The following CTNNA2 variants were observed in gnomAD, a reference collection of about 807,000 sequenced individuals.
CTNNA2 encodes catenin alpha 2, also known as catenin alpha-2.
Under a neutral mutation model 101.0 loss-of-function variants are expected in CTNNA2, and 42 were observed. The ratio of observed to expected loss-of-function variants is 0.42; its 90% confidence interval spans 0.32 to 0.54. The LOEUF (loss-of-function observed/expected upper bound fraction) is 0.54. Among genes scored for constraint, CTNNA2 ranks in the 20% least tolerant of loss-of-function variants. The pLI is 0.14. For synonymous variants in CTNNA2, 450 were observed against 456.4 expected (o/e 0.99, Z 0.18); for missense variants, 871 against 1,223.1 (o/e 0.71, Z 4.29).
At chr2:80,382,371 A>G (rs1393960160) in intron 7 of CTNNA2, among the ~76,000 whole-genome samples, 4 of 151,798 alleles carry the variant, frequency 2.6e-5, no homozygotes, top group Non-Finnish European at 5.9e-5. Context: ...AAAAAAAAAA[A>G]AATGCTCATG....
At chr2:79,577,948 A>G (rs1019154127) in intron 1 of CTNNA2, among the ~76,000 whole-genome samples, 10 of 152,198 alleles carry the variant, frequency 6.6e-5, no homozygotes, top group African/African-American at 1.9e-4. Context: ...TGATAACTGA[A>G]AAGTATTCAA....
chr2:79,651,499 T>C (rs1221068292), intron 1 of CTNNA2, 53 bp from the exon 2 acceptor site: 1 of 1,530,026 alleles, frequency 6.5e-7, no homozygotes, highest in Non-Finnish European at 9.0e-7. Context: ...TCACCAAAGT[T>C]ACAATTTATT....
chr2:80,160,107 G>T (rs1704221358), intron 7 of CTNNA2, among the ~76,000 whole-genome samples: 1 of 152,062 alleles, frequency 6.6e-6, no homozygotes. Flanking sequence ...GGTTGATTTT[G>T]TACTTTTGTC....
chr2:80,372,366 AG>A (rs1180308396), intron 7 of CTNNA2, among the ~76,000 whole-genome samples: 4 of 149,408 alleles, frequency 2.7e-5, no homozygotes, highest in African/African-American at 7.6e-5. Context: ...TTTTTAGAGA[AG>A]TTTTTTTTTT....
intron 9 of CTNNA2, among the ~76,000 whole-genome samples, chr2:80,503,190 AAAAAT>A (rs1428568484): frequency 6.6e-6 from 1 of 152,144 alleles, no homozygotes; most frequent in Non-Finnish European, 1.5e-5. Context: ...AACCATAAAT[AAAAAT>A]AAAAGAAAGA....
intron 7 of CTNNA2, among the ~76,000 whole-genome samples, chr2:80,273,832 C>CT (rs1020555014): frequency 1.3e-5 from 2 of 151,956 alleles, no homozygotes; most frequent in African/African-American, 2.4e-5. Flanking sequence ...CTTATGCTAC[C>CT]TTTTTTCTGC....
intron 7 of CTNNA2, among the ~76,000 whole-genome samples, chr2:80,165,337 C>A (rs958214951): frequency 6.6e-6 from 1 of 151,258 alleles, no homozygotes; most frequent in African/African-American, 2.4e-5. Context: ...ATTCTTTCCT[C>A]CATCTCTTCT....
At chr2:79,384,378 CTCTCT>C (rs1678073893) in intron 4 of CTNNA2, among the ~76,000 whole-genome samples, 1 of 982 alleles carries the variant, frequency 1.0e-3, no homozygotes, top group African/African-American at 1.5e-3. Context: ...CATATTTCTT[CTCTCT>C]CTCTCTCTCT....
chr2:79,593,220 C>T (rs988792913), intron 1 of CTNNA2, among the ~76,000 whole-genome samples: 5 of 152,176 alleles, frequency 3.3e-5, no homozygotes, highest in African/African-American at 1.2e-4. Context: ...AATGAGTACT[C>T]ATTGGCACTT....
chr2:80,070,249 C>T (rs1698241664), intron 7 of CTNNA2, among the ~76,000 whole-genome samples: 1 of 152,144 alleles, frequency 6.6e-6, no homozygotes, highest in South Asian at 2.1e-4. Context: ...GTCTAATTTA[C>T]AATAAGCGGG....
chr2:80,162,130 C>T (rs1188595779), intron 7 of CTNNA2, among the ~76,000 whole-genome samples: 2 of 152,052 alleles, frequency 1.3e-5, no homozygotes, highest in Non-Finnish European at 2.9e-5. Flanking sequence ...TCTTGCAATA[C>T]AAAAAGATAA....
intron 9 of CTNNA2, among the ~76,000 whole-genome samples, chr2:80,496,435 TA>T (rs1479861164): frequency 6.7e-6 from 1 of 148,582 alleles, no homozygotes; most frequent in Non-Finnish European, 1.5e-5. Context: ...CTGTAAATTA[TA>T]AACCAAGTGA....
intron 4 of CTNNA2, among the ~76,000 whole-genome samples, chr2:79,488,339 A>AC (rs1434930631): frequency 2.6e-5 from 4 of 151,296 alleles, no homozygotes; most frequent in Non-Finnish European, 5.9e-5. Context: ...AAAAAAAAAA[A>AC]AAAACACAGT....
intron 4 of CTNNA2, among the ~76,000 whole-genome samples, chr2:79,434,776 A>T (rs1376420504): frequency 6.6e-6 from 1 of 152,206 alleles, no homozygotes; most frequent in Non-Finnish European, 1.5e-5. Flanking sequence ...AGAAACAGGG[A>T]CAGTGGTGCT....
intron 1 of CTNNA2, among the ~76,000 whole-genome samples, chr2:79,618,457 T>G (rs1485357520): frequency 1.3e-5 from 2 of 152,182 alleles, no homozygotes; most frequent in African/African-American, 2.4e-5. Context: ...GTATTAGAAT[T>G]TATTTTTTTT....
intron 1 of CTNNA2, among the ~76,000 whole-genome samples, chr2:79,619,224 G>A (rs915637171): frequency 5.9e-5 from 9 of 152,160 alleles, no homozygotes; most frequent in African/African-American, 2.2e-4. Context: ...AAAAGCAGTG[G>A]CCACCATACA....
intron 7 of CTNNA2, among the ~76,000 whole-genome samples, chr2:80,168,464 C>A (rs1236147524): frequency 6.6e-6 from 1 of 152,106 alleles, no homozygotes; most frequent in Non-Finnish European, 1.5e-5. Context: ...ATGAATGGTA[C>A]AGTCTTGTCT....
chr2:79,916,214 A>G (rs2916517), intron 7 of CTNNA2, among the ~76,000 whole-genome samples: 90,925 of 152,000 alleles, frequency 0.6, 27,400 homozygotes, highest in East Asian at 0.78. Context: ...TTTGTGGGCA[A>G]TCGAGATCGA....
chr2:79,431,959 G>A (rs189918454), intron 4 of CTNNA2, among the ~76,000 whole-genome samples: 1 of 152,156 alleles, frequency 6.6e-6, no homozygotes, highest in East Asian at 1.9e-4. Context: ...AAAAATATAA[G>A]GCACATAGAA....
Sources: allele counts gnomAD v4.1 joint callset (sites outside exome capture counted in the v4.1 genomes callset), GRCh38; gene constraint gnomAD v4.1.1; transcripts MANE v1.5; gene names NCBI Gene and HGNC (gene_info 2026-07-23, HGNC 2026-07-21).